The following PIAS1 variants were observed in gnomAD, a reference collection of about 807,000 sequenced individuals.
The protein encoded by PIAS1 is E3 SUMO-protein ligase PIAS1.
In PIAS1, 6 loss-of-function variants were observed where a neutral mutation model predicts 71.3. The observed-to-expected ratio is 0.08, with a 90% CI of 0.05 to 0.17. PIAS1 has a LOEUF of 0.17. PIAS1 is among the 10% of genes least tolerant of loss of function. PIAS1 has a pLI of 1.00. For missense variants in PIAS1, 555 were observed against 793.6 expected (o/e 0.70, Z 3.61); for synonymous variants, 303 against 292.9 (o/e 1.03, Z -0.35).
intron 1 of PIAS1, among the ~76,000 whole-genome samples, chr15:68,075,235 A>G (rs1195531475): frequency 2.6e-5 from 4 of 151,382 alleles, no homozygotes; most frequent in African/African-American, 7.3e-5. Flanking sequence ...ACAGGCACCC[A>G]CCACCACACC....
At chr15:68,085,022 A>G (rs1195025592) in intron 1 of PIAS1, among the ~76,000 whole-genome samples, 2 of 152,142 alleles carry the variant, frequency 1.3e-5, no homozygotes, top group African/African-American at 2.4e-5. Context: ...CTCTTTATAT[A>G]CTTTTCTCCT....
intron 2 of PIAS1, among the ~76,000 whole-genome samples, chr15:68,117,078 G>GT (rs1179815625): frequency 2.0e-5 from 3 of 151,842 alleles, no homozygotes; most frequent in Admixed American, 2.0e-4. Context: ...TGTTGTTTTT[G>GT]TTTTTTTGTT....
chr15:68,129,602 A>G (rs968990859), intron 2 of PIAS1, among the ~76,000 whole-genome samples: 3 of 152,308 alleles, frequency 2.0e-5, no homozygotes, highest in Non-Finnish European at 4.4e-5. Context: ...CCAAGAATTT[A>G]GTATAAAATT....
Position 68,110,438 on chromosome 15 carries a change from A to G in PIAS1, c.469+23688A>G, listed in dbSNP as rs557830379. Among the ~76,000 whole-genome samples, 9 of 152,252 alleles carry G rather than the reference A, an allele frequency of 5.9e-5. No homozygotes were observed. In the South Asian group the frequency reaches 1.5e-3, roughly 25 times the overall value. ...TGGTGAAACCCCATCTTTACTAAAAATAAAAAAATTAGCCCGGTGTGGTGG... is the reference window on the plus strand; with the variant it reads ...TGGTGAAACCCCATCTTTACTAAAAGTAAAAAAATTAGCCCGGTGTGGTGG... On this transcript the variant is annotated intron_variant, in intron 2 of 13. Transcript: ENST00000249636.
chr15:68,089,703 C>T lies in PIAS1; in HGVS notation c.469+2953C>T, dbSNP rs574399965. Among the ~76,000 whole-genome samples, 7 of 151,650 alleles carry T rather than the reference C, an allele frequency of 4.6e-5. No individual in the cohort carries two copies. In the East Asian group the frequency reaches 5.8e-4, roughly 13 times the overall value. On this transcript the variant is annotated intron_variant, in intron 2 of 13. Coordinates refer to ENST00000249636, the MANE Select transcript of PIAS1 (RefSeq NM_016166.3). ...CCCAAGTGGCTGAGACTTACAGGCA[C>T]GTGCCACCATGCCCGACTAATTTTG...
At chr15:68,069,646 CA>C (rs1175096435) in intron 1 of PIAS1, among the ~76,000 whole-genome samples, 1 of 151,798 alleles carries the variant, frequency 6.6e-6, no homozygotes, top group Non-Finnish European at 1.5e-5. Flanking sequence ...ACTAAAAATA[CA>C]AAAAATTAGC....
At chr15:68,172,787 T>TTGC (rs2092999650) in intron 8 of PIAS1, among the ~76,000 whole-genome samples, 1 of 152,208 alleles carries the variant, frequency 6.6e-6, no homozygotes, top group Non-Finnish European at 1.5e-5. Flanking sequence ...GGGCTAAAGC[T>TTGC]AGCAGCTCAG....
intron 2 of PIAS1, among the ~76,000 whole-genome samples, chr15:68,107,061 A>T (rs753919765): frequency 1.3e-5 from 2 of 152,178 alleles, no homozygotes; most frequent in Non-Finnish European, 1.5e-5. Flanking sequence ...AGAGAACCAT[A>T]TTCTAAGAAG....
rs1221784819 is a variant in PIAS1, at chr15:68,187,562, T to G, written c.1683T>G (p.Leu561=). Reference sequence around the variant, plus strand: ...CCTAGCATTACAACACCTCCTTGCTTGCCGCTGCAGCAGCAGCAGTTTCAG... The same window carrying G: ...CCTAGCATTACAACACCTCCTTGCTGGCCGCTGCAGCAGCAGCAGTTTCAG... ...GDNQHYNTSL[L]AAAAAAVSDD... Residue 561 remains leucine, a synonymous_variant, in exon 14 of 14, where the codon CTT becomes CTG. Coordinates refer to ENST00000249636, the MANE Select transcript of PIAS1 (RefSeq NM_016166.3). This position sits in a 1 kb window ranked among gnomAD's most constrained non-coding sequence, Gnocchi z 5.3. 6.2e-7 allele frequency: 1 copy of G among 1,613,838 alleles called. No individual in the cohort carries two copies. The highest frequency in any genetic ancestry group is 1.1e-5 in the South Asian group (1 of 91,072).
chr15:68,091,254 A>G (rs1239847628), intron 2 of PIAS1, among the ~76,000 whole-genome samples: 1 of 152,122 alleles, frequency 6.6e-6, no homozygotes, highest in Non-Finnish European at 1.5e-5. Flanking sequence ...TTTCCTCTCA[A>G]TCCTTTAATA....
Position 68,142,086 on chromosome 15 carries a change from A to G in PIAS1, c.554+56A>G, listed in dbSNP as rs2092774676. ...TGACCTTTGAATCCAGTAGTCTATA[A>G]TAAATGATTTTAAAAAACAGTGATT... On this transcript the variant is annotated intron_variant, in intron 3 of 13. Coordinates refer to ENST00000249636, the MANE Select transcript of PIAS1 (RefSeq NM_016166.3). 6 of 1,205,368 alleles carry G rather than the reference A, an allele frequency of 5.0e-6. No individual in the cohort carries two copies. In the Admixed American group the frequency reaches 1.2e-4, roughly 24 times the overall value. The allele number at this position is 1,205,368 out of a possible 1,614,324, so 74.7% of individuals were successfully genotyped here. A position where few individuals can be genotyped will look rare whatever the true frequency, so the allele number is the denominator to read the frequency against.
intron 2 of PIAS1, among the ~76,000 whole-genome samples, chr15:68,128,735 T>A (rs942510552): frequency 1.3e-5 from 2 of 152,156 alleles, no homozygotes; most frequent in African/African-American, 4.8e-5. Context: ...CTCTGAAGGG[T>A]CTGTTCCTGT....
intron 2 of PIAS1, among the ~76,000 whole-genome samples, chr15:68,094,857 T>A (rs1298543604): frequency 1.3e-5 from 2 of 152,216 alleles, no homozygotes; most frequent in Non-Finnish European, 2.9e-5. Context: ...ACCTTCAAAA[T>A]GAAGTCTAAC....
intron 1 of PIAS1, among the ~76,000 whole-genome samples, chr15:68,077,785 C>T (rs1567030923): frequency 6.6e-6 from 1 of 152,174 alleles, no homozygotes; most frequent in Non-Finnish European, 1.5e-5. Context: ...GTCTGAGCTC[C>T]ACTACTTGCT....
chr15:68,142,520 T>C (rs993962865), intron 4 of PIAS1, among the ~76,000 whole-genome samples, 183 bp downstream of exon 4: 2 of 152,108 alleles, frequency 1.3e-5, no homozygotes, highest in African/African-American at 4.8e-5. Flanking sequence ...CTACCTGATT[T>C]TTCAATAAGT....
At chr15:68,084,061 A>T (rs2092255753) in intron 1 of PIAS1, among the ~76,000 whole-genome samples, 2 of 152,158 alleles carry the variant, frequency 1.3e-5, no homozygotes, top group Non-Finnish European at 2.9e-5. Context: ...TTTTATGAGA[A>T]ATGTCAACAT....
At chr15:68,176,412 A>T (rs2093020350) in intron 10 of PIAS1, 62 bp from the exon 11 acceptor site, 1 of 1,109,040 alleles carries the variant, frequency 9.0e-7, no homozygotes, top group African/African-American at 1.6e-5. Flanking sequence ...CTGTAGTGAC[A>T]CTGAGAAAAG....
chr15:68,108,761 C>T (rs2092495630), intron 2 of PIAS1, among the ~76,000 whole-genome samples: 1 of 152,116 alleles, frequency 6.6e-6, no homozygotes, highest in Non-Finnish European at 1.5e-5. Flanking sequence ...CTGGAGTTAT[C>T]CTGACTCTTC....
intron 7 of PIAS1, among the ~76,000 whole-genome samples, chr15:68,161,036 A>G (rs556130015): frequency 1.3e-5 from 2 of 152,348 alleles, no homozygotes; most frequent in Non-Finnish European, 2.9e-5. Flanking sequence ...AAATGACCTT[A>G]TGGTCTGCAT....
Sources: allele counts gnomAD v4.1 joint callset (sites outside exome capture counted in the v4.1 genomes callset), GRCh38; gene constraint gnomAD v4.1.1; non-coding constraint Gnocchi (gnomAD v3.1); transcripts MANE v1.5; gene names NCBI Gene and HGNC (gene_info 2026-07-23, HGNC 2026-07-21).